SLC15A1: variants seen among roughly 807,000 people sequenced by gnomAD.
SLC15A1 encodes the protein Caco-2 oligopeptide transporter.
In SLC15A1, 83 loss-of-function variants were observed where a neutral mutation model predicts 92.9. The ratio of observed to expected loss-of-function variants is 0.89; its 90% confidence interval spans 0.75 to 1.07. The LOEUF (loss-of-function observed/expected upper bound fraction) is 1.07, where lower values mean the gene tolerates loss of function less well. SLC15A1 is among the 50% of genes least tolerant of loss of function. SLC15A1 has a pLI of 0.00. For synonymous variants in SLC15A1, 322 were observed against 318.2 expected, an observed-to-expected ratio of 1.01 and a Z score of -0.13; for missense variants, 857 against 880.1, an observed-to-expected ratio of 0.97 and a Z score of 0.33.
chr13:98,710,635 G>C (rs2088153717), intron 11 of SLC15A1, among the ~76,000 whole-genome samples: 3 of 151,930 alleles, frequency 2.0e-5, no homozygotes, highest in Middle Eastern at 3.4e-3. Context: ...GGTCAACACA[G>C]CAGAACCCCG....
intron 17 of SLC15A1, among the ~76,000 whole-genome samples, chr13:98,703,763 G>A (rs1302750892): frequency 1.3e-5 from 2 of 151,792 alleles, no homozygotes; most frequent in Non-Finnish European, 2.9e-5. Flanking sequence ...TCACTGCGTT[G>A]TCCAGGCTAG....
chr13:98,697,764 A>T (rs1013328264), intron 18 of SLC15A1, among the ~76,000 whole-genome samples: 1 of 152,156 alleles, frequency 6.6e-6, no homozygotes. Context: ...TTCTCTTGAC[A>T]AGATATTTGG....
At chr13:98,712,375 T>C in intron 10 of SLC15A1, 123 bp downstream of exon 10, 1 of 714,426 alleles carries the variant, frequency 1.4e-6, no homozygotes, top group Non-Finnish European at 2.4e-6. Flanking sequence ...TTATTTAATA[T>C]GCTGTAAAGG....
intron 8 of SLC15A1, among the ~76,000 whole-genome samples, chr13:98,717,622 C>T (rs535211702): frequency 5.3e-5 from 8 of 152,078 alleles, no homozygotes; most frequent in South Asian, 4.2e-4. Context: ...TGCTAGGGGA[C>T]GGTGGCAGTA....
At chr13:98,744,637 T>C (rs983413709) in intron 1 of SLC15A1, among the ~76,000 whole-genome samples, 3 of 150,294 alleles carry the variant, frequency 2.0e-5, no homozygotes, top group Non-Finnish European at 2.9e-5. Flanking sequence ...TAATCCCAGC[T>C]ACTCGGGAGG....
chr13:98,710,824 A>AG (rs924614527), intron 11 of SLC15A1, among the ~76,000 whole-genome samples: 5 of 151,508 alleles, frequency 3.3e-5, no homozygotes, highest in Non-Finnish European at 5.9e-5. Flanking sequence ...AAAAAAAAAA[A>AG]AAAAAAAAGA....
At position 98,711,866 on chromosome 13, in the gene SLC15A1, C is replaced by A. The variant is rs2139582601; in HGVS notation, c.888G>T (p.Leu296Phe). The part of the protein sequence containing the change: ...LYIPLPMFWA[L>F]FDQQGSRWTL... Reference sequence around the variant, plus strand: ...AGTTTCACATTACCTGCTGGTCAAACAAGGCCCAGAACATTGGGAGTGGAA... The same window carrying A: ...AGTTTCACATTACCTGCTGGTCAAAAAAGGCCCAGAACATTGGGAGTGGAA... Residue 296 changes from leucine (L) to phenylalanine (F), a missense_variant, in exon 11 of 23, where the codon TTG becomes TTT. By Grantham distance (22) the Leu-to-Phe change is conservative. Coordinates refer to ENST00000376503, the MANE Select transcript of SLC15A1 (RefSeq NM_005073.4). 6.2e-7 allele frequency: 1 copy of A among 1,613,668 alleles called. No individual in the cohort carries two copies.
chr13:98,719,751 T>C (rs968443913), intron 7 of SLC15A1, among the ~76,000 whole-genome samples: 27 of 152,232 alleles, frequency 1.8e-4, no homozygotes, highest in African/African-American at 6.3e-4. Flanking sequence ...CACACTTTTC[T>C]GTGAAGGGCC....
At chr13:98,704,661 C>A (rs2088097471) in intron 16 of SLC15A1, among the ~76,000 whole-genome samples, 1 of 152,138 alleles carries the variant, frequency 6.6e-6, no homozygotes, top group Non-Finnish European at 1.5e-5. Flanking sequence ...ATACTTTTCA[C>A]CAAGCATCTT....
rs752311525 is a variant in SLC15A1, at chr13:98,687,598, C to T, written c.1810G>A (p.Glu604Lys). Residue 604 changes from glutamate to lysine, a missense_variant, in exon 21 of 23, where the codon GAA (glutamate) becomes AAA (lysine). Physicochemically the swap from Glu to Lys is moderately conservative, Grantham distance 56. Transcript: ENST00000376503. ...CAAGAAACCTGAGAATATGAGAATT[C>T]CAATCCCGTGACAGAGAAGACCACT... ...GEVVFSVTGL[E>K]FSYSQAPSNM... 3.7e-6 allele frequency: 6 copies of T among 1,614,008 alleles called. No individual in the cohort carries two copies. The highest frequency in any genetic ancestry group is 1.6e-4 in the Middle Eastern group (1 of 6,062).
chr13:98,750,754 CTTTT>C (rs375828538), intron 1 of SLC15A1, among the ~76,000 whole-genome samples: 5 of 141,800 alleles, frequency 3.5e-5, no homozygotes, highest in Admixed American at 7.1e-5. Context: ...AAGATCTGTT[CTTTT>C]TTTTTTTTTT....
At chr13:98,733,193 T>C (rs59829301) in intron 1 of SLC15A1, among the ~76,000 whole-genome samples, 89 of 152,192 alleles carry the variant, frequency 5.8e-4, no homozygotes, top group African/African-American at 2.0e-3. Flanking sequence ...CCCGGTAAAA[T>C]TCATTTTGGA....
chr13:98,722,058 A>G (rs974924435), intron 5 of SLC15A1, among the ~76,000 whole-genome samples, 155 bp from the exon 6 acceptor site: 4 of 152,228 alleles, frequency 2.6e-5, no homozygotes, highest in African/African-American at 9.6e-5. Flanking sequence ...GCAGCGTGAT[A>G]GTCAAATGCA....
intron 14 of SLC15A1, among the ~76,000 whole-genome samples, chr13:98,709,370 G>C (rs779297190): frequency 6.6e-6 from 1 of 152,200 alleles, no homozygotes; most frequent in Non-Finnish European, 1.5e-5. Context: ...TTGATTAAAG[G>C]CCTTTTCAGG....
intron 16 of SLC15A1, among the ~76,000 whole-genome samples, chr13:98,705,506 G>A (rs141641757): frequency 6.6e-6 from 1 of 152,266 alleles, no homozygotes; most frequent in African/African-American, 2.4e-5. Flanking sequence ...ATCTCCCCCA[G>A]TTTAGATCCT....
chr13:98,733,879 A>G (rs1363872154), intron 1 of SLC15A1, among the ~76,000 whole-genome samples: 2 of 152,200 alleles, frequency 1.3e-5, no homozygotes, highest in African/African-American at 4.8e-5. Context: ...GCCTGGTGGG[A>G]GGTGATTGAA....
chr13:98,750,846 G>A (rs149567371), intron 1 of SLC15A1, among the ~76,000 whole-genome samples: 1 of 151,902 alleles, frequency 6.6e-6, no homozygotes, highest in East Asian at 1.9e-4. Context: ...TCGTCTCCTG[G>A]GTTCAAGCAA....
At chr13:98,740,354 C>G (rs1450106347) in intron 1 of SLC15A1, among the ~76,000 whole-genome samples, 1 of 152,216 alleles carries the variant, frequency 6.6e-6, no homozygotes, top group Non-Finnish European at 1.5e-5. Context: ...GAGCTTCCCC[C>G]AGTGGAGAAC....
chr13:98,710,271 CA>C (rs1319138414), intron 11 of SLC15A1, among the ~76,000 whole-genome samples: 1 of 152,142 alleles, frequency 6.6e-6, no homozygotes, highest in Non-Finnish European at 1.5e-5. Context: ...GCAGATGGTC[CA>C]TATTCACTGC....
Sources: gnomAD v4.1 joint callset for allele counts (sites outside exome capture counted in the v4.1 genomes callset) on GRCh38, gnomAD v4.1.1 for gene constraint, MANE v1.5 for transcripts, NCBI Gene and HGNC (gene_info 2026-07-23, HGNC 2026-07-21) for gene names.